The following ROBO1 variants were observed in gnomAD, a reference collection of about 807,000 sequenced individuals.
ROBO1 encodes the protein roundabout guidance receptor 1.
A neutral mutation model predicts 195.9 loss-of-function variants in ROBO1; 149 were observed. The observed-to-expected ratio is 0.76, with a 90% CI of 0.67 to 0.87. The LOEUF (loss-of-function observed/expected upper bound fraction) is 0.87, where lower values mean the gene tolerates loss of function less well. ROBO1 is among the 40% of genes least tolerant of loss of function. The probability of loss-of-function intolerance (pLI) is 0.00; values close to 1 mark genes in which losing one functional copy is unlikely to be tolerated. For synonymous variants in ROBO1, 816 were observed against 733.2 expected, an observed-to-expected ratio of 1.11 and a Z score of -1.82; for missense variants, 1,933 against 2,068.3, an observed-to-expected ratio of 0.93 and a Z score of 1.27.
chr3:79,255,792 T>TC (rs2082822066), intron 2 of ROBO1, among the ~76,000 whole-genome samples: 1 of 151,750 alleles, frequency 6.6e-6, no homozygotes, highest in African/African-American at 2.4e-5. Flanking sequence ...ACTTCTCATC[T>TC]CCCCCTCCAC....
Position 79,604,304 on chromosome 3 carries a change from A to T in ROBO1, c.-50-14343T>A, listed in dbSNP as rs373640985. ...CAGGTTTACCTGCTAAAATTAAGAT[A>T]TGATCCTTATTTAAAGGTAATTATT... is the stretch of plus-strand genomic sequence containing the variant. On this transcript the variant is annotated intron_variant, in intron 1 of 30. Transcript: ENST00000464233. Among the ~76,000 whole-genome samples, 3 of 152,060 alleles carry T rather than the reference A, an allele frequency of 2.0e-5. No homozygotes were observed. In the East Asian group the frequency reaches 5.8e-4, roughly 29 times the overall value.
At chr3:79,092,885 CATT>C (rs2079504901) in intron 3 of ROBO1, among the ~76,000 whole-genome samples, 1 of 152,044 alleles carries the variant, frequency 6.6e-6, no homozygotes, top group Non-Finnish European at 1.5e-5. Context: ...CAGTAATTAT[CATT>C]ATTTTCTTGA....
At chr3:78,779,054 T>A (rs908484667) in intron 4 of ROBO1, among the ~76,000 whole-genome samples, 1 of 152,176 alleles carries the variant, frequency 6.6e-6, no homozygotes, top group Non-Finnish European at 1.5e-5. Context: ...GCAAGCCATA[T>A]GCAGAAAACT....
intron 3 of ROBO1, among the ~76,000 whole-genome samples, chr3:79,092,755 T>C (rs976761344): frequency 1.3e-5 from 2 of 152,112 alleles, no homozygotes; most frequent in South Asian, 2.1e-4. Flanking sequence ...GAGGTAGTAA[T>C]GGAGAAGCAG....
At chr3:79,112,012 T>C (rs2079895560) in intron 3 of ROBO1, among the ~76,000 whole-genome samples, 1 of 152,182 alleles carries the variant, frequency 6.6e-6, no homozygotes, top group Non-Finnish European at 1.5e-5. Context: ...AATAATACCT[T>C]TTGTATTGAT....
chr3:79,099,467 A>G (rs2079634661), intron 3 of ROBO1, among the ~76,000 whole-genome samples: 1 of 151,754 alleles, frequency 6.6e-6, no homozygotes, highest in Non-Finnish European at 1.5e-5. Flanking sequence ...AGAAGAGGTG[A>G]CACTGAGATA....
chr3:78,665,489 C>T (rs1316511042), intron 14 of ROBO1, among the ~76,000 whole-genome samples: 2 of 152,126 alleles, frequency 1.3e-5, no homozygotes, highest in African/African-American at 4.8e-5. Flanking sequence ...AGCACTCTCC[C>T]ATCAGTCCAA....
At chr3:78,979,649 C>T (rs1216420185) in intron 3 of ROBO1, among the ~76,000 whole-genome samples, 1 of 152,034 alleles carries the variant, frequency 6.6e-6, no homozygotes, top group Non-Finnish European at 1.5e-5. Flanking sequence ...CCTTTACTAA[C>T]CAAAGAGTTA....
intron 2 of ROBO1, among the ~76,000 whole-genome samples, chr3:79,289,592 G>A (rs187497146): frequency 6.6e-6 from 1 of 152,128 alleles, no homozygotes; most frequent in East Asian, 1.9e-4. Context: ...CTTGATCTGG[G>A]TGTTATATAG....
At chr3:79,473,166 T>G (rs577191058) in intron 2 of ROBO1, among the ~76,000 whole-genome samples, 6 of 152,212 alleles carry the variant, frequency 3.9e-5, no homozygotes, top group African/African-American at 1.4e-4. Flanking sequence ...GGGGCCTAAC[T>G]CCAATGACTG....
intron 3 of ROBO1, chr3:79,018,447 G>A (rs2078010961): frequency 6.2e-7 from 1 of 1,613,864 alleles, no homozygotes; most frequent in Non-Finnish European, 8.5e-7. Flanking sequence ...AAAAGTGAGC[G>A]GGCTCCGCAA....
chr3:78,848,867 A>T (rs1053806454), intron 4 of ROBO1, among the ~76,000 whole-genome samples: 2 of 152,144 alleles, frequency 1.3e-5, no homozygotes, highest in Non-Finnish European at 2.9e-5. Context: ...TGGGCAGAGA[A>T]AGCCAGCCAG....
chr3:79,439,007 A>G (rs967788346), intron 2 of ROBO1, among the ~76,000 whole-genome samples: 10 of 152,168 alleles, frequency 6.6e-5, no homozygotes, highest in African/African-American at 2.2e-4. Flanking sequence ...AGAAACCTGG[A>G]AAGTATGTTT....
At position 78,635,872 on chromosome 3, in the gene ROBO1, C is replaced by T. The variant is rs534449206; in HGVS notation, c.3274G>A (p.Gly1092Arg). ...NLSNNMNNGS[G>R]DSGEKHWKPL... ...TTCCAGTGCTTCTCGCCAGAGTCCC[C>T]GCTGCCATTGTTCATGTTGTTGCTG... Residue 1092 changes from glycine (G) to arginine (R), a missense_variant, in exon 23 of 31, where the codon GGG becomes AGG. Around this residue, in one of 3 missense-constraint regions of ROBO1, gnomAD observed 1,737 missense variants for 1,882.5 expected, o/e 0.92. Transcript: ENST00000464233. The T allele has an allele frequency of 5.6e-5, 90 of 1,613,824 alleles. No individual in the cohort carries two copies. In the Admixed American group the frequency reaches 1.3e-3, roughly 24 times the overall value.
At chr3:78,904,841 A>G (rs553362956) in intron 4 of ROBO1, among the ~76,000 whole-genome samples, 5 of 151,964 alleles carry the variant, frequency 3.3e-5, no homozygotes, top group Non-Finnish European at 7.4e-5. Context: ...TTAAGAGAAG[A>G]AATTCTACTT....
chr3:79,679,982 A>G (rs565796095), intron 1 of ROBO1, among the ~76,000 whole-genome samples: 2 of 151,988 alleles, frequency 1.3e-5, no homozygotes, highest in East Asian at 1.9e-4. Flanking sequence ...TCAGCTCAGC[A>G]TAGATTATGC....
At position 78,614,771 on chromosome 3, in the gene ROBO1, G is replaced by A. The variant is rs1704010491; in HGVS notation, c.4312C>T (p.Pro1438Ser). 1.2e-6 allele frequency: 2 copies of A among 1,612,394 alleles called. No individual in the cohort carries two copies. Among genetic ancestry groups the A allele is most frequent in the African/African-American group, 1.3e-5 (1 of 74,700 alleles). ...GRRHFHASQC[P>S]RPTSPVSTDS... ...GTAGACACGGGACTTGTGGGCCTAG[G>A]GCACTGAGACGCATGAAAATGTCGA... The change falls in exon 28 of 31, where the codon CCT becomes TCT. Residue 1438 changes from proline to serine, a missense_variant. Physicochemically the swap from Pro to Ser is moderately conservative, Grantham distance 74 (BLOSUM62 -1). Around this residue, in one of 3 missense-constraint regions of ROBO1, gnomAD observed 1,737 missense variants for 1,882.5 expected, o/e 0.92. Coordinates refer to ENST00000464233, the MANE Select transcript of ROBO1 (RefSeq NM_002941.4).
intron 1 of ROBO1, among the ~76,000 whole-genome samples, chr3:79,597,135 G>A (rs937276327): frequency 1.3e-5 from 2 of 151,858 alleles, no homozygotes; most frequent in African/African-American, 4.8e-5. Flanking sequence ...GCACGTGTGT[G>A]TGTGTGTGTG....
intron 4 of ROBO1, among the ~76,000 whole-genome samples, chr3:78,853,835 C>A (rs1177310522): frequency 6.6e-6 from 1 of 152,014 alleles, no homozygotes; most frequent in Non-Finnish European, 1.5e-5. Context: ...TATGTGGTGG[C>A]AGGTAAGAGA....
Sources: gnomAD v4.1 joint callset for allele counts (sites outside exome capture counted in the v4.1 genomes callset) on GRCh38, gnomAD v4.1.1 for gene constraint, gnomAD v4.1.1 regional missense constraint, MANE v1.5 for transcripts, NCBI Gene and HGNC (gene_info 2026-07-23, HGNC 2026-07-21) for gene names.